Variants in SAMMSON observed in about 807,000 individuals in gnomAD.
SAMMSON encodes the protein long intergenic non-protein coding RNA 1212.
intron 4 of SAMMSON, among the ~76,000 whole-genome samples, chr3:70,077,702 A>G (rs1279334592): frequency 3.3e-5 from 5 of 152,212 alleles, no homozygotes; most frequent in Admixed American, 2.6e-4. Context: ...GGAAATGATT[A>G]TGAATTACAG....
intron 3 of SAMMSON, among the ~76,000 whole-genome samples, chr3:70,056,317 T>C (rs1378439191): frequency 6.6e-6 from 1 of 152,034 alleles, no homozygotes; most frequent in Non-Finnish European, 1.5e-5. Flanking sequence ...AAGGATCTCT[T>C]GGTAAACAAA....
At chr3:70,185,152 A>T (rs371777702) in intron 4 of SAMMSON, among the ~76,000 whole-genome samples, 14 of 152,238 alleles carry the variant, frequency 9.2e-5, no homozygotes, top group African/African-American at 2.6e-4. Context: ...TTGATCTTGG[A>T]GAGATTCTCT....
At chr3:70,205,986 T>C (rs1701287307) in intron 4 of SAMMSON, 1 of 151,982 alleles carries the variant, frequency 6.6e-6, no homozygotes, top group African/African-American at 2.4e-5. Flanking sequence ...CAAAACAATT[T>C]GAAATTGGCT....
At chr3:70,321,094 T>G (rs1458810548) in intron 7 of SAMMSON, among the ~76,000 whole-genome samples, 1 of 152,044 alleles carries the variant, frequency 6.6e-6, no homozygotes, top group Non-Finnish European at 1.5e-5. Flanking sequence ...TGAAGTATAA[T>G]TGGAGTAGAA....
At chr3:70,093,597 C>T (rs1285113830) in intron 4 of SAMMSON, among the ~76,000 whole-genome samples, 3 of 152,118 alleles carry the variant, frequency 2.0e-5, no homozygotes, top group Non-Finnish European at 4.4e-5. Context: ...CTTTGGGTGA[C>T]ATTTAGTAAT....
At chr3:70,061,573 GCAT>G (rs2067190655) in intron 3 of SAMMSON, among the ~76,000 whole-genome samples, 1 of 152,062 alleles carries the variant, frequency 6.6e-6, no homozygotes, top group African/African-American at 2.4e-5. Context: ...TTTCCACAGG[GCAT>G]GATGTCTCCA....
intron 3 of SAMMSON, among the ~76,000 whole-genome samples, chr3:70,056,440 G>C (rs535625994): frequency 1.3e-5 from 2 of 151,848 alleles, no homozygotes; most frequent in East Asian, 3.9e-4. Flanking sequence ...TCAACCGTTC[G>C]GCTACCTTTC....
chr3:70,202,782 C>T (rs1701253742), intron 4 of SAMMSON, among the ~76,000 whole-genome samples: 1 of 152,098 alleles, frequency 6.6e-6, no homozygotes, highest in Non-Finnish European at 1.5e-5. Flanking sequence ...CCTAATGACA[C>T]TGAAGAATTA....
At chr3:70,292,813 A>G (rs1394781687) in intron 7 of SAMMSON, among the ~76,000 whole-genome samples, 8 of 152,064 alleles carry the variant, frequency 5.3e-5, no homozygotes, top group African/African-American at 7.2e-5. Context: ...AATTGCAATA[A>G]AAATTGCAGT....
intron 7 of SAMMSON, among the ~76,000 whole-genome samples, chr3:70,320,366 C>A (rs954386333): frequency 1.3e-5 from 2 of 152,020 alleles, no homozygotes; most frequent in Non-Finnish European, 2.9e-5. Context: ...AATTATTTTG[C>A]TCCAAAACCC....
Position 70,080,398 on chromosome 3 carries a change from G to A in SAMMSON, n.507+8833G>A, listed in dbSNP as rs535910045. Among the ~76,000 whole-genome samples the A allele has an allele frequency of 6.0e-4, 91 of 152,292 alleles. 1 individual carries two copies. The highest frequency in any genetic ancestry group is 9.9e-4 in the Non-Finnish European group (67 of 68,014). ...GCAGTATAATGGATTGTTACCTATT[G>A]ATTGTTTTAAGGACTAAATGAGTTA... is the stretch of plus-strand genomic sequence containing the variant. On this transcript the variant is annotated intron_variant and non_coding_transcript_variant, in intron 4 of 9. Transcript: ENST00000642114.
chr3:70,070,618 T>C lies in SAMMSON; in HGVS notation n.418-858T>C, dbSNP rs534219911. Reference sequence around the variant, plus strand: ...AAAAAAAAAATCCCCTTGGGGGACATAAATTGATCCCATTAAGAAAAATAA... The same window carrying C: ...AAAAAAAAAATCCCCTTGGGGGACACAAATTGATCCCATTAAGAAAAATAA... On this transcript the variant is annotated intron_variant and non_coding_transcript_variant, in intron 3 of 9. Transcript: ENST00000642114. Among the ~76,000 whole-genome samples, 363 of 152,042 alleles carry C rather than the reference T, an allele frequency of 2.4e-3. 1 individual carries two copies. The highest frequency in any genetic ancestry group is 8.5e-3 in the African/African-American group (352 of 41,526).
chr3:70,324,196 TATC>T (rs201005714), intron 7 of SAMMSON, among the ~76,000 whole-genome samples: 49,401 of 102,338 alleles, frequency 0.48, 9,203 homozygotes, highest in Middle Eastern at 0.56. Context: ...TCTATCTATC[TATC>T]ATCTATCTAT....
chr3:70,084,672 A>G (rs768647592), intron 4 of SAMMSON: 10 of 152,146 alleles, frequency 6.6e-5, no homozygotes, highest in African/African-American at 1.9e-4. Context: ...CATTAATTCT[A>G]TATTTTCAAA....
intron 9 of SAMMSON, among the ~76,000 whole-genome samples, chr3:70,388,827 T>A (rs1008160494): frequency 6.6e-6 from 1 of 152,106 alleles, no homozygotes; most frequent in African/African-American, 2.4e-5. Flanking sequence ...GTTTCTATGG[T>A]TTGGATGTGG....
intron 7 of SAMMSON, among the ~76,000 whole-genome samples, chr3:70,295,854 G>A (rs143494679): frequency 2.2e-4 from 34 of 152,182 alleles, no homozygotes; most frequent in African/African-American, 7.9e-4. Flanking sequence ...AGCTGAATGT[G>A]GTTTAATAGA....
intron 7 of SAMMSON, among the ~76,000 whole-genome samples, chr3:70,344,535 C>A (rs975612360): frequency 6.6e-6 from 1 of 152,214 alleles, no homozygotes; most frequent in Non-Finnish European, 1.5e-5. Context: ...GGACACCAGA[C>A]AAGGACCTGG....
intron 1 of SAMMSON, among the ~76,000 whole-genome samples, chr3:70,006,742 T>G (rs2107575204): frequency 6.6e-6 from 1 of 152,074 alleles, no homozygotes; most frequent in African/African-American, 2.4e-5. Flanking sequence ...TGTGCCATGT[T>G]GGTGTGCTGC....
At chr3:70,054,441 C>A (rs1046884928) in intron 3 of SAMMSON, among the ~76,000 whole-genome samples, 2 of 152,112 alleles carry the variant, frequency 1.3e-5, no homozygotes, top group Admixed American at 6.6e-5. Context: ...ATAACGCCTC[C>A]ATTCCTCCTC....
Sources: gnomAD v4.1 joint callset for allele counts (sites outside exome capture counted in the v4.1 genomes callset) on GRCh38, gnomAD v4.1.1 for gene constraint, MANE v1.5 for transcripts, NCBI Gene and HGNC (gene_info 2026-07-23, HGNC 2026-07-21) for gene names.